TSPAN32: variants seen among roughly 807,000 people sequenced by gnomAD.
The protein encoded by TSPAN32 is tetraspanin 32.
TSPAN32 carries 47 observed loss-of-function variants against 42.7 expected under a neutral mutation model. That is an observed-to-expected ratio of 1.10 (90% confidence interval 0.87 to 1.40). The LOEUF (loss-of-function observed/expected upper bound fraction) is 1.40, where lower values mean the gene tolerates loss of function less well. Among genes scored for constraint, TSPAN32 ranks in the 40% most tolerant of loss-of-function variants. TSPAN32 has a pLI of 0.00. For missense variants in TSPAN32, 469 were observed against 424.1 expected (o/e 1.11, Z -0.93); for synonymous variants, 175 against 175.9 (o/e 0.99, Z 0.04).
intron 3 of TSPAN32, among the ~76,000 whole-genome samples, chr11:2,306,533 T>G: frequency 6.8e-6 from 1 of 146,940 alleles, no homozygotes; most frequent in African/African-American, 2.5e-5. Context: ...CGCGGGAGGT[T>G]GGTGGTGGGG....
chr11:2,317,908 G>T lies in TSPAN32; in HGVS notation c.947G>T (p.Arg316Leu). ...GGTGGGCTCAGTGGGTGCCCTGAGC[G>T]GGGTCTCTCAGACTGACGTCAGGCC... is the stretch of plus-strand genomic sequence containing the variant. Reference protein sequence around the residue: ...SRGGLSGCPERGLSD With the variant: ...SRGGLSGCPELGLSD The change falls in exon 10 of 10, where the codon CGG becomes CTG. Residue 316 changes from arginine (R) to leucine (L), a missense_variant. Coordinates refer to ENST00000182290, the MANE Select transcript of TSPAN32 (RefSeq NM_139022.3). The surrounding 1 kb of genome is among the most constrained non-coding windows in gnomAD (Gnocchi z 6.2). 8.1e-7 allele frequency: 1 copy of T among 1,233,402 alleles called. No homozygotes were observed. The allele number at this position is 1,233,402 out of a possible 1,614,324, so 76.4% of individuals were successfully genotyped here. A position where few individuals can be genotyped will look rare whatever the true frequency, so the allele number is the denominator to read the frequency against.
chr11:2,316,666 C>A lies in TSPAN32; in HGVS notation c.718C>A (p.Arg240=), dbSNP rs751947184. 2.0e-6 allele frequency: 3 copies of A among 1,522,900 alleles called. No homozygotes were observed. Among genetic ancestry groups the A allele is most frequent in the Non-Finnish European group, 2.6e-6 (3 of 1,134,456 alleles). 94.3% of individuals were successfully genotyped at this position (1,522,900 alleles called of 1,614,324 possible). The change falls in exon 8 of 10, where the codon CGA becomes AGA. Residue 240 remains arginine, a splice_region_variant and synonymous_variant. Transcript: ENST00000182290. Reference sequence around the variant, plus strand: ...CAAGGGCAAATACACCCTGACCCCACGGTAGGGCCCCCTGCCTGCCCCCAC... The same window carrying A: ...CAAGGGCAAATACACCCTGACCCCAAGGTAGGGCCCCCTGCCTGCCCCCAC... ...DRKGKYTLTP[R]ACGRQPQEPS...
Position 2,315,355 on chromosome 11 carries a change from G to A in TSPAN32, c.543+784G>A, listed in dbSNP as rs779145528. 251 of 1,158,176 alleles carry A rather than the reference G, an allele frequency of 2.2e-4. 2 individuals carry two copies. Among genetic ancestry groups the A allele is most frequent in the Middle Eastern group, 7.8e-4 (3 of 3,864 alleles). The allele number at this position is 1,158,176 out of a possible 1,614,324, so 71.7% of individuals were successfully genotyped here. ...AGGCTCTGAGGGCAGAAGGGCTGGC[G>A]CTGAGGATGGTGCTGGGGAGGGACC... On this transcript the variant is annotated intron_variant, in intron 6 of 9. Coordinates refer to ENST00000182290, the MANE Select transcript of TSPAN32 (RefSeq NM_139022.3).
At chr11:2,307,340 G>A (rs1023016870) in intron 3 of TSPAN32, among the ~76,000 whole-genome samples, 6 of 152,192 alleles carry the variant, frequency 3.9e-5, no homozygotes, top group African/African-American at 1.4e-4. Context: ...CCCTGAATGG[G>A]GCCCCAGGGT....
chr11:2,311,358 G>A (rs1848448216), intron 4 of TSPAN32, among the ~76,000 whole-genome samples: 1 of 152,176 alleles, frequency 6.6e-6, no homozygotes, highest in Admixed American at 6.5e-5. Flanking sequence ...GGATGAATGT[G>A]GAGCTTGAGG....
rs200210112 is a variant in TSPAN32 at position 2,302,844 on chromosome 11, C to A, written c.67C>A (p.Leu23Met). 1.2e-6 allele frequency: 2 copies of A among 1,612,964 alleles called. No individual in the cohort carries two copies. The highest frequency in any genetic ancestry group is 1.7e-6 in the Non-Finnish European group (2 of 1,179,428). ...QMLVTCFFILLLGLSVATMVT... is the reference protein window; with the variant it reads ...QMLVTCFFILMLGLSVATMVT... ...CACTCTGAGTCTGCCCTATCCACAG[C>A]TGCTGGGCCTCTCTGTGGCCACCAT... The change falls in exon 2 of 10, where the codon CTG (leucine) becomes ATG (methionine). Residue 23 changes from leucine (L) to methionine (M), a missense_variant and splice_region_variant. Leu to Met is a conservative substitution (Grantham distance 15, BLOSUM62 2). Transcript: ENST00000182290.
At position 2,313,701 on chromosome 11, in the gene TSPAN32, G is replaced by A. The variant is rs778462230; in HGVS notation, c.402G>A (p.Ala134=). Residue 134 remains alanine, a synonymous_variant, in exon 5 of 10, where the codon GCG becomes GCA. Transcript: ENST00000182290. This position sits in a 1 kb window ranked among gnomAD's most constrained non-coding sequence, Gnocchi z 9.1. Reference sequence around the variant, plus strand: ...CCTACGACCTGGTATATGAGCAGGCGATGAAAGGTACGTCCCACGTCCGGC... The same window carrying A: ...CCTACGACCTGGTATATGAGCAGGCAATGAAAGGTACGTCCCACGTCCGGC... The part of the protein sequence containing the change: ...LDTYDLVYEQ[A]MKGTSHVRRQ... The A allele has an allele frequency of 7.5e-6, 12 of 1,609,034 alleles. No individual in the cohort carries two copies. The highest frequency in any genetic ancestry group is 2.2e-5 in the East Asian group (1 of 44,716).
intron 6 of TSPAN32, chr11:2,315,071 G>T: frequency 3.3e-6 from 1 of 300,170 alleles, no homozygotes; most frequent in Non-Finnish European, 5.8e-6. Context: ...AGCAACAACA[G>T]AGCGGGGCCC....
Position 2,302,948 on chromosome 11 carries a change from G to A in TSPAN32, c.171G>A (p.Val57=), listed in dbSNP as rs1294607555. 16 of 1,613,426 alleles carry A rather than the reference G, an allele frequency of 9.9e-6. No homozygotes were observed. The highest frequency in any genetic ancestry group is 6.7e-5 in the Admixed American group (4 of 59,992). ...TGGAGAAGAACCCGTACCAGGCTGT[G>A]CACCAATGGGGTAAGTGAGGTCCAG... ...ASLEKNPYQA[V]HQWAFSAGLS... The change falls in exon 2 of 10, where the codon GTG becomes GTA. Residue 57 remains valine, a synonymous_variant. Transcript: ENST00000182290.
At position 2,304,274 on chromosome 11, in the gene TSPAN32, G is replaced by A; in HGVS notation, c.279+70G>A. The A allele has an allele frequency of 8.5e-7, 1 of 1,173,838 alleles. No individual in the cohort carries two copies. The highest frequency in any genetic ancestry group is 1.5e-5 in the South Asian group (1 of 65,526). The allele number at this position is 1,173,838 out of a possible 1,614,324, so 72.7% of individuals were successfully genotyped here. On this transcript the variant is annotated intron_variant, in intron 3 of 9. Coordinates refer to ENST00000182290, the MANE Select transcript of TSPAN32 (RefSeq NM_139022.3). This position sits in a 1 kb window ranked among gnomAD's most constrained non-coding sequence, Gnocchi z 4.8. ...TTAGAAAGGAGTGAAGAGCTGGCAGGGCTGTGTGCCACCCCCACACCTGAG... is the reference window on the plus strand; with the variant it reads ...TTAGAAAGGAGTGAAGAGCTGGCAGAGCTGTGTGCCACCCCCACACCTGAG...
intron 4 of TSPAN32, among the ~76,000 whole-genome samples, chr11:2,310,455 G>A (rs1280324716): frequency 1.3e-5 from 2 of 152,166 alleles, no homozygotes; most frequent in Admixed American, 1.3e-4. Flanking sequence ...GCCCTTCAGG[G>A]GTCAGTTCTC....
chr11:2,311,098 C>A (rs1848431590), intron 4 of TSPAN32, among the ~76,000 whole-genome samples: 1 of 152,230 alleles, frequency 6.6e-6, no homozygotes, highest in Non-Finnish European at 1.5e-5. Flanking sequence ...TGTCCCTCCC[C>A]ACAGGGCCAC....
intron 6 of TSPAN32, chr11:2,315,970 C>G: frequency 6.5e-7 from 1 of 1,531,958 alleles, no homozygotes; most frequent in Non-Finnish European, 8.8e-7. Flanking sequence ...ACGCTCAGGA[C>G]AGCTGGGAGA....
intron 6 of TSPAN32, chr11:2,315,243 C>T: frequency 8.3e-7 from 1 of 1,200,682 alleles, no homozygotes; most frequent in Non-Finnish European, 1.1e-6. Context: ...CCCTATCTCA[C>T]AGTGGGAGGC....
chr11:2,316,770 C>A (rs186372389), intron 8 of TSPAN32, 103 bp downstream of exon 8: 7 of 1,278,344 alleles, frequency 5.5e-6, no homozygotes, highest in Admixed American at 2.7e-5. Flanking sequence ...CGGGACCAAG[C>A]CCCAGGCTGA....
At chr11:2,315,981 C>T (rs181476436) in intron 6 of TSPAN32, 35 of 1,531,408 alleles carry the variant, frequency 2.3e-5, no homozygotes, top group South Asian at 1.8e-4. Flanking sequence ...AGCTGGGAGA[C>T]GGCACCGGCC....
At chr11:2,309,358 G>A (rs1848327801) in intron 4 of TSPAN32, 1 of 470,442 alleles carries the variant, frequency 2.1e-6, no homozygotes, top group Non-Finnish European at 4.4e-6. Context: ...CCTGCCTGGA[G>A]GAGGGTCCGG....
chr11:2,312,327 C>T (rs1042441255), intron 4 of TSPAN32, among the ~76,000 whole-genome samples: 2 of 152,224 alleles, frequency 1.3e-5, no homozygotes, highest in African/African-American at 4.8e-5. Context: ...AATGGCCAGG[C>T]CAGACTCCAC....
chr11:2,316,307 C>A lies in TSPAN32; in HGVS notation c.622C>A (p.Leu208Ile), dbSNP rs778426094. ...CAGCCTGACCAGCATCGGCCTGGCC[C>A]TCACGGTACCCTCTCGCCTCCCTCA... Reference protein sequence around the residue: ...ASSLTSIGLALTVSALLFSSF... With the variant: ...ASSLTSIGLAITVSALLFSSF... Residue 208 changes from leucine (L) to isoleucine (I), a missense_variant, in exon 7 of 10, where the codon CTC becomes ATC. By Grantham distance (5) the Leu-to-Ile change is conservative. Coordinates refer to ENST00000182290, the MANE Select transcript of TSPAN32 (RefSeq NM_139022.3). The A allele has an allele frequency of 6.3e-7, 1 of 1,599,220 alleles. No individual in the cohort carries two copies. The highest frequency in any genetic ancestry group is 1.3e-5 in the African/African-American group (1 of 74,844).
Sources: gnomAD v4.1 joint callset for allele counts (sites outside exome capture counted in the v4.1 genomes callset) on GRCh38, gnomAD v4.1.1 for gene constraint, Gnocchi (gnomAD v3.1) non-coding constraint, MANE v1.5 for transcripts, NCBI Gene and HGNC (gene_info 2026-07-23, HGNC 2026-07-21) for gene names.